Variants in PTER observed in about 807,000 individuals in gnomAD.
PTER encodes N-acetyltaurine hydrolase.
In PTER, 38 loss-of-function variants were observed where a neutral mutation model predicts 29.6. That is an observed-to-expected ratio of 1.28 (90% CI 0.99 to 1.68). The LOEUF (loss-of-function observed/expected upper bound fraction) is 1.68, where lower values mean the gene tolerates loss of function less well. Ranked by LOEUF, PTER falls within the 40% of genes most tolerant of loss-of-function variation. The probability of loss-of-function intolerance (pLI) is 0.00; values close to 1 mark genes in which losing one functional copy is unlikely to be tolerated. For synonymous variants in PTER, 172 were observed against 154.5 expected, an observed-to-expected ratio of 1.11 and a Z score of -0.84; for missense variants, 482 against 427.8, an observed-to-expected ratio of 1.13 and a Z score of -1.12.
rs879651690 is a variant in PTER, at chr10:16,512,721, A to T, written c.*1465A>T. The stretch of plus-strand genomic sequence containing the variant: ...AACAAACTAATTCCTTTAAATAAAT[A>T]AAAAAAAAAAATGCAAATGTCCTTC... On this transcript the variant is annotated 3_prime_UTR_variant, in exon 5 of 5. Transcript: ENST00000535784. 15 of 133,160 alleles carry T rather than the reference A, an allele frequency of 1.1e-4. No homozygotes were observed. Among genetic ancestry groups the T allele is most frequent in the Non-Finnish European group, 1.7e-4 (10 of 57,324 alleles). The allele number at this position is 133,160 out of a possible 1,614,324, so 8.2% of individuals were successfully genotyped here. A position where few individuals can be genotyped will look rare whatever the true frequency, so the allele number is the denominator to read the frequency against.
At chr10:16,498,616 T>C (rs536542459) in intron 3 of PTER, among the ~76,000 whole-genome samples, 1 of 152,086 alleles carries the variant, frequency 6.6e-6, no homozygotes, top group Non-Finnish European at 1.5e-5. Flanking sequence ...TCAAGAAGTA[T>C]TCATGGATAT....
At chr10:16,509,974 A>G (rs1241763065) in intron 4 of PTER, among the ~76,000 whole-genome samples, 2 of 152,136 alleles carry the variant, frequency 1.3e-5, no homozygotes, top group Non-Finnish European at 2.9e-5. Context: ...GTAGTTATTA[A>G]ATATGACTCA....
chr10:16,444,800 C>T (rs952663027), intron 1 of PTER, among the ~76,000 whole-genome samples: 4 of 152,062 alleles, frequency 2.6e-5, no homozygotes, highest in South Asian at 2.1e-4. Flanking sequence ...TTGCTTCTGA[C>T]GAGCTTTTAC....
chr10:16,447,338 T>G (rs1034348855), intron 1 of PTER, among the ~76,000 whole-genome samples: 1 of 151,898 alleles, frequency 6.6e-6, no homozygotes, highest in Non-Finnish European at 1.5e-5. Flanking sequence ...TGGCCTCAAG[T>G]GATCCTCCAG....
chr10:16,452,194 TACACACAC>T (rs375537112), intron 1 of PTER, among the ~76,000 whole-genome samples: 2 of 146,318 alleles, frequency 1.4e-5, no homozygotes, highest in South Asian at 2.2e-4. Flanking sequence ...ACCAGTGGGA[TACACACAC>T]ACACACACAC....
intron 1 of PTER, among the ~76,000 whole-genome samples, chr10:16,438,588 C>T (rs1199739153): frequency 2.3e-4 from 35 of 150,578 alleles, no homozygotes; most frequent in African/African-American, 8.2e-4. Flanking sequence ...GGATTACAGG[C>T]GTGAGCCACT....
chr10:16,496,754 C>T (rs1415842566), intron 3 of PTER, among the ~76,000 whole-genome samples: 1 of 152,100 alleles, frequency 6.6e-6, no homozygotes, highest in Non-Finnish European at 1.5e-5. Context: ...TTTGCTTTCC[C>T]AGCTCATGGC....
intron 1 of PTER, among the ~76,000 whole-genome samples, chr10:16,476,901 C>CTCTCTCTCTTTTTTTTTTTTTT (rs1214090481): frequency 5.0e-5 from 5 of 100,368 alleles, no homozygotes; most frequent in Admixed American, 2.0e-4. Context: ...TCCTAGAATT[C>CTCTCTCTCTTTTTTTTTTTTTT]TTTTTTTTTT....
At chr10:16,497,602 T>G (rs954907394) in intron 3 of PTER, among the ~76,000 whole-genome samples, 1 of 152,230 alleles carries the variant, frequency 6.6e-6, no homozygotes, top group Non-Finnish European at 1.5e-5. Flanking sequence ...TTTGAAACTG[T>G]AAAGCCCAAG....
chr10:16,499,015 G>A (rs1050367663), intron 3 of PTER, among the ~76,000 whole-genome samples: 2 of 152,102 alleles, frequency 1.3e-5, no homozygotes, highest in Non-Finnish European at 2.9e-5. Context: ...CTGGTGCCTG[G>A]GTGTTCTTAC....
chr10:16,466,271 G>A (rs1038672081), intron 1 of PTER, among the ~76,000 whole-genome samples: 2 of 151,442 alleles, frequency 1.3e-5, no homozygotes, highest in African/African-American at 4.9e-5. Flanking sequence ...CCTGCTAGTG[G>A]CTGTCAGACC....
chr10:16,467,717 C>A (rs1431146847), intron 1 of PTER, among the ~76,000 whole-genome samples: 1 of 152,090 alleles, frequency 6.6e-6, no homozygotes. Flanking sequence ...GAGGCTGACG[C>A]AGGAGAATTG....
chr10:16,454,686 A>G (rs1834330216), intron 1 of PTER, among the ~76,000 whole-genome samples: 1 of 88,226 alleles, frequency 1.1e-5, no homozygotes, highest in Non-Finnish European at 2.0e-5. Context: ...AGCAATGTCA[A>G]GACATATAAT....
At chr10:16,480,671 C>A (rs1442675077) in intron 1 of PTER, among the ~76,000 whole-genome samples, 1 of 152,160 alleles carries the variant, frequency 6.6e-6, no homozygotes, top group Admixed American at 6.6e-5. Flanking sequence ...GAAAGTCCTA[C>A]CCTCTGCAAT....
intron 3 of PTER, among the ~76,000 whole-genome samples, chr10:16,503,366 A>T (rs1327929570): frequency 6.6e-6 from 1 of 151,910 alleles, no homozygotes; most frequent in Admixed American, 6.6e-5. Flanking sequence ...AGCTGGGATT[A>T]CAGGTGCCTG....
At chr10:16,483,319 G>T (rs1318004870) in intron 1 of PTER, among the ~76,000 whole-genome samples, 1 of 152,080 alleles carries the variant, frequency 6.6e-6, no homozygotes. Context: ...CAGTATTTTT[G>T]AAGTGTGTTT....
intron 3 of PTER, among the ~76,000 whole-genome samples, chr10:16,501,356 CACACACACACACAT>C (rs756810851): frequency 0.018 from 2,087 of 118,494 alleles, 47 homozygotes; most frequent in African/African-American, 0.065. Context: ...CACACACACA[CACACACACACACAT>C]GCACACACAC....
At chr10:16,460,350 A>G (rs1244725557) in intron 1 of PTER, among the ~76,000 whole-genome samples, 1 of 152,218 alleles carries the variant, frequency 6.6e-6, no homozygotes, top group Non-Finnish European at 1.5e-5. Flanking sequence ...AACATTGGAC[A>G]AGTTGAGAGA....
chr10:16,456,868 G>GGC (rs386370803), intron 1 of PTER, among the ~76,000 whole-genome samples: 1 of 146,028 alleles, frequency 6.8e-6, no homozygotes, highest in East Asian at 2.1e-4. Context: ...AAGGTGGGGG[G>GGC]GGGTTCCGCC....
Sources: gnomAD v4.1 joint callset for allele counts (sites outside exome capture counted in the v4.1 genomes callset) on GRCh38, gnomAD v4.1.1 for gene constraint, MANE v1.5 for transcripts, NCBI Gene and HGNC (gene_info 2026-07-23, HGNC 2026-07-21) for gene names.